The following ADGRG2 variants were observed in gnomAD, a reference collection of about 807,000 sequenced individuals.
ADGRG2 encodes the protein adhesion G protein-coupled receptor G2, also known as G protein-coupled receptor 64.
Under a neutral mutation model 74.1 loss-of-function variants are expected in ADGRG2, and 26 were observed. The ratio of observed to expected loss-of-function variants is 0.35; its 90% CI spans 0.26 to 0.49. The LOEUF is 0.49. Among genes scored for constraint, ADGRG2 ranks in the 20% least tolerant of loss-of-function variants. The pLI is 0.99. For missense variants in ADGRG2, 619 were observed against 763.1 expected (o/e 0.81, Z 2.22); for synonymous variants, 296 against 295.2 (o/e 1.00, Z -0.03).
chrX:19,025,598 TAAAAA>T (rs370376540), intron 11 of ADGRG2, among the ~76,000 whole-genome samples: 3 of 106,801 alleles, frequency 2.8e-5, no homozygotes, highest in Admixed American at 1.0e-4. Context: ...ATTTGTGAGT[TAAAAA>T]AAAAAGTTTT....
intron 2 of ADGRG2, among the ~76,000 whole-genome samples, chrX:19,071,685 G>A (rs1350954009): frequency 2.7e-5 from 3 of 111,579 alleles, no homozygotes; most frequent in African/African-American, 9.8e-5. Flanking sequence ...AGAATATTCT[G>A]TGTGCCAATT....
intron 1 of ADGRG2, among the ~76,000 whole-genome samples, chrX:19,111,579 T>C (rs184855048): frequency 7.1e-5 from 8 of 112,053 alleles, no homozygotes; most frequent in African/African-American, 1.9e-4. Flanking sequence ...AAAGAAGTGA[T>C]GGCTGTATTT....
In ADGRG2 at chrX:19,095,881, T is replaced by C. The variant is rs1008285756; in HGVS notation, c.-46-13135A>G. ...AAAAAATACAGAAATTAGCTGGGTG[T>C]GGGGGCATGTGCCAGTAGCCCCAGC... On this transcript the variant is annotated intron_variant, in intron 1 of 28. Transcript: ENST00000379869. 9.1e-5 allele frequency among the ~76,000 whole-genome samples: 10 copies of C among 110,061 alleles called. No homozygotes were observed. In the East Asian group the frequency reaches 2.9e-3, roughly 32 times the overall value.
chrX:19,122,337 C>T (rs1236116357), intron 1 of ADGRG2, 105 bp downstream of exon 1: 1 of 112,035 alleles, frequency 8.9e-6, no homozygotes, highest in African/African-American at 3.2e-5. Context: ...CGCCGCCCTC[C>T]GGGGCTAGAC....
chrX:19,041,542 G>A (rs1039283736), intron 3 of ADGRG2, among the ~76,000 whole-genome samples: 7 of 111,866 alleles, frequency 6.3e-5, no homozygotes, highest in Non-Finnish European at 1.1e-4. Flanking sequence ...AAACATACCT[G>A]GTAGCCTCCA....
At chrX:19,060,002 C>T (rs188483174) in intron 3 of ADGRG2, among the ~76,000 whole-genome samples, 6 of 111,508 alleles carry the variant, frequency 5.4e-5, no homozygotes, top group Admixed American at 4.7e-4. Flanking sequence ...CGTGGTGCCG[C>T]GAGCCTGTAA....
At chrX:19,060,595 C>T (rs1007865142) in intron 3 of ADGRG2, among the ~76,000 whole-genome samples, 1 of 104,097 alleles carries the variant, frequency 9.6e-6, no homozygotes, top group Admixed American at 1.1e-4. Flanking sequence ...GTTGCCCAGA[C>T]TGGAGTGCAG....
In ADGRG2 at chrX:19,013,697, G is replaced by A. The variant is rs1434587744; in HGVS notation, c.1088C>T (p.Pro363Leu). 8 of 1,191,109 alleles carry A rather than the reference G, an allele frequency of 6.7e-6. No homozygotes were observed. Among genetic ancestry groups the A allele is most frequent in the Non-Finnish European group, 9.0e-6 (8 of 886,415 alleles). The change falls in exon 16 of 29, where the codon CCT becomes CTT. Residue 363 changes from proline to leucine, a missense_variant. This residue lies in a region of ADGRG2 where 292 missense variants were observed against 318.0 expected (regional missense o/e 0.92). Transcript: ENST00000379869. ...PANVNTTSAPPVQTDIVNTSS... is the reference protein window; with the variant it reads ...PANVNTTSAPLVQTDIVNTSS... ...CAAGTGACATTTACCTGTCTGGACA[G>A]GAGGTGCGCTGGTAGTGTTGACATT...
intron 8 of ADGRG2, chrX:19,032,837 T>C (rs1311176583): frequency 1.8e-5 from 2 of 112,154 alleles, no homozygotes; most frequent in Non-Finnish European, 3.8e-5. Context: ...TGGTGATAGT[T>C]TGCCAACCGC....
At position 19,008,225 on chromosome X, in the gene ADGRG2, A is replaced by T. The variant is rs1569366890; in HGVS notation, c.1423-102T>A. 8.1e-6 allele frequency: 4 copies of T among 493,255 alleles called. No individual in the cohort carries two copies. The South Asian group carries it at 1.7e-4, about 21-fold the overall frequency. 40.6% of individuals were successfully genotyped at this position (493,255 alleles called of 1,213,427 possible). A position where few individuals can be genotyped will look rare whatever the true frequency, so the allele number is the denominator to read the frequency against. On this transcript the variant is annotated intron_variant, in intron 18 of 28. Coordinates refer to ENST00000379869, the MANE Select transcript of ADGRG2 (RefSeq NM_001079858.3). The stretch of plus-strand genomic sequence containing the variant: ...TGCAAAAGTAATTGCAGTATGTGCC[A>T]TTTTTTTTTTAAAAAAAGATAAAAA...
intron 3 of ADGRG2, among the ~76,000 whole-genome samples, chrX:19,057,478 C>T (rs1353360297): frequency 1.8e-5 from 2 of 111,735 alleles, no homozygotes; most frequent in Non-Finnish European, 3.8e-5. Flanking sequence ...GTCATTTAGA[C>T]GGTACTTTCA....
chrX:19,067,164 A>G (rs2061582655), intron 3 of ADGRG2, among the ~76,000 whole-genome samples: 1 of 111,967 alleles, frequency 8.9e-6, no homozygotes, highest in Non-Finnish European at 1.9e-5. Context: ...TAGGGCATAC[A>G]CCAAGTAACC....
At chrX:19,086,184 C>G (rs2061932918) in intron 1 of ADGRG2, among the ~76,000 whole-genome samples, 1 of 111,798 alleles carries the variant, frequency 8.9e-6, no homozygotes, top group Non-Finnish European at 1.9e-5. Flanking sequence ...GAATGAGGAT[C>G]TGATGAGCAC....
chrX:19,020,753 G>A (rs1351864221), intron 14 of ADGRG2, among the ~76,000 whole-genome samples: 1 of 111,318 alleles, frequency 9.0e-6, no homozygotes, highest in Non-Finnish European at 1.9e-5. Context: ...CTTGAGCCGA[G>A]GAGTTCAAGA....
Position 19,059,700 on chromosome X carries a change from GTA to G in ADGRG2, c.118+9015_118+9016del, listed in dbSNP as rs1439223210. 8.9e-5 allele frequency among the ~76,000 whole-genome samples: 9 copies of G among 101,215 alleles called. No homozygotes were observed. The Middle Eastern group carries it at 0.015, about 170-fold the overall frequency. The allele number at this position is 101,215 out of a possible 115,157, so 87.9% of individuals were successfully genotyped here. A position where few individuals can be genotyped will look rare whatever the true frequency, so the allele number is the denominator to read the frequency against. On this transcript the variant is annotated intron_variant, in intron 3 of 28. Transcript: ENST00000379869. ...ACTAAAGAATCTGTCTTTAGTACCA[GTA>G]CTATGTAGTAGTGCTAAAGAATCTG... is the stretch of plus-strand genomic sequence containing the variant.
intron 15 of ADGRG2, among the ~76,000 whole-genome samples, chrX:19,018,509 T>C (rs1031750793): frequency 9.0e-6 from 1 of 110,805 alleles, no homozygotes; most frequent in Non-Finnish European, 1.9e-5. Flanking sequence ...TATTTTTTTT[T>C]AACTTTTTAT....
intron 3 of ADGRG2, among the ~76,000 whole-genome samples, chrX:19,046,565 C>T (rs1357152692): frequency 1.8e-5 from 2 of 112,348 alleles, no homozygotes; most frequent in African/African-American, 3.2e-5. Context: ...AAGAAATCTC[C>T]GTCAGTCAGA....
chrX:19,031,933 T>C (rs1215343019), intron 8 of ADGRG2: 2 of 112,359 alleles, frequency 1.8e-5, no homozygotes, highest in Non-Finnish European at 3.8e-5. Context: ...CAAATGCTGA[T>C]AATGTATTAA....
At chrX:19,082,072 CAAAAA>C (rs57534658) in intron 2 of ADGRG2, among the ~76,000 whole-genome samples, 13 of 21,194 alleles carry the variant, frequency 6.1e-4, no homozygotes, top group African/African-American at 1.0e-3. Context: ...GACCCTGTCT[CAAAAA>C]AAAAAAAAAA....
Sources: allele counts gnomAD v4.1 joint callset (sites outside exome capture counted in the v4.1 genomes callset), GRCh38; gene constraint gnomAD v4.1.1; regional missense constraint gnomAD v4.1.1; transcripts MANE v1.5; gene names NCBI Gene and HGNC (gene_info 2026-07-23, HGNC 2026-07-21).